The following SLC19A1 variants were observed in gnomAD, a reference collection of about 807,000 sequenced individuals.
The protein encoded by SLC19A1 is reduced folate transporter.
Under a neutral mutation model 35.3 loss-of-function variants are expected in SLC19A1, and 37 were observed. That is an observed-to-expected ratio of 1.05 (90% CI 0.81 to 1.38). The LOEUF (loss-of-function observed/expected upper bound fraction) is 1.38. Ranked by LOEUF, SLC19A1 falls within the 40% of genes most tolerant of loss-of-function variation. The probability of loss-of-function intolerance (pLI) is 0.00; values close to 1 mark genes in which losing one functional copy is unlikely to be tolerated. For synonymous variants in SLC19A1, 460 were observed against 398.5 expected, an observed-to-expected ratio of 1.15 and a Z score of -1.84; for missense variants, 831 against 826.9, an observed-to-expected ratio of 1.00 and a Z score of -0.06.
Position 45,515,416 on chromosome 21 carries a change from C to T in SLC19A1, c.*242G>A. 7.1e-7 allele frequency: 1 copy of T among 1,408,980 alleles called. No individual in the cohort carries two copies. Among genetic ancestry groups the T allele is most frequent in the Non-Finnish European group, 9.1e-7 (1 of 1,096,680 alleles). 87.3% of individuals were successfully genotyped at this position (1,408,980 alleles called of 1,614,324 possible). On this transcript the variant is annotated 3_prime_UTR_variant, in exon 6 of 6. Transcript: ENST00000311124. ...GGTGGACGCAGAAGCCCACCACCCA[C>T]CTCTTCCAGCAACAAAGCCCGCGGG...
At chr21:45,525,521 C>T (rs2077578003) in intron 5 of SLC19A1, among the ~76,000 whole-genome samples, 1 of 152,268 alleles carries the variant, frequency 6.6e-6, no homozygotes, top group African/African-American at 2.4e-5. Flanking sequence ...CAAGTTCCGG[C>T]AGCCACAGGC....
chr21:45,523,788 C>G (rs184042062), intron 5 of SLC19A1, among the ~76,000 whole-genome samples: 331 of 152,326 alleles, frequency 2.2e-3, no homozygotes, highest in African/African-American at 7.7e-3. Flanking sequence ...CTGGGACGGG[C>G]ACTCCCTGCC....
intron 1 of SLC19A1, among the ~76,000 whole-genome samples, chr21:45,561,603 A>G (rs966226428): frequency 3.3e-5 from 5 of 152,056 alleles, no homozygotes; most frequent in South Asian, 2.1e-4. Flanking sequence ...TCTACTAAAA[A>G]TACAAAAATT....
At chr21:45,538,079 C>T in intron 1 of SLC19A1, 71 bp from the exon 2 acceptor site, 1 of 873,066 alleles carries the variant, frequency 1.1e-6, no homozygotes, top group Non-Finnish European at 1.6e-6. Flanking sequence ...CAAAACGAGG[C>T]CCAGTGCCGG....
In SLC19A1 at chr21:45,504,545, C is replaced by T. The variant is rs528980728; in HGVS notation, c.498-5933G>A. On this transcript the variant is annotated intron_variant, in intron 3 of 4. Coordinates refer to the SLC19A1 transcript ENST00000417954. ...AGGCCCCCCAGGCCCACGTGGCTAC[C>T]CTGGGATTCCAGTAAGTCCCAGCCT... 4 of 1,577,550 alleles carry T rather than the reference C, an allele frequency of 2.5e-6. No homozygotes were observed. In the African/African-American group the frequency reaches 5.4e-5, roughly 21 times the overall value.
chr21:45,557,072 A>T (rs2078570481), intron 1 of SLC19A1, among the ~76,000 whole-genome samples: 1 of 152,066 alleles, frequency 6.6e-6, no homozygotes, highest in African/African-American at 2.4e-5. Flanking sequence ...GTGCCCTGGT[A>T]CCAGGACTTG....
intron 1 of SLC19A1, among the ~76,000 whole-genome samples, chr21:45,560,289 G>A (rs961152691): frequency 2.0e-5 from 3 of 152,228 alleles, no homozygotes; most frequent in African/African-American, 4.8e-5. Context: ...AGGCCAGCAG[G>A]AGCGGGACAC....
In SLC19A1 at chr21:45,521,281, T is replaced by C. The variant is rs530412746; in HGVS notation, c.1293+4536A>G. Among the ~76,000 whole-genome samples the C allele has an allele frequency of 2.0e-4, 31 of 152,316 alleles. No individual in the cohort carries two copies. The South Asian group carries it at 6.0e-3, about 30-fold the overall frequency. ...CTAATGCAGATAACAAATTTCAAAATATGGTTTGATTTACTTAAGAAAAAG... is the reference window on the plus strand; with the variant it reads ...CTAATGCAGATAACAAATTTCAAAACATGGTTTGATTTACTTAAGAAAAAG... On this transcript the variant is annotated intron_variant, in intron 5 of 5. Transcript: ENST00000311124.
intron 4 of SLC19A1, among the ~76,000 whole-genome samples, chr21:45,529,422 G>A (rs547542274): frequency 6.6e-6 from 1 of 152,334 alleles, no homozygotes; most frequent in South Asian, 2.1e-4. Context: ...CACCCTGGAG[G>A]GGAAGCCCAG....
downstream of SLC19A1, chr21:45,509,726 GCTCAGGGCCA>G (rs1013332937): frequency 4.0e-5 from 29 of 726,722 alleles, no homozygotes; most frequent in African/African-American, 2.4e-4. Flanking sequence ...GGGTCTGGCG[GCTCAGGGCCA>G]CTCAGGGCGG....
chr21:45,525,998 A>C, intron 4 of SLC19A1, 40 bp from the exon 5 acceptor site: 1 of 1,599,688 alleles, frequency 6.3e-7, no homozygotes, highest in Non-Finnish European at 8.5e-7. Flanking sequence ...CTGCTGGGAG[A>C]ATAAGCAGCA....
chr21:45,529,469 G>A (rs1054526753), intron 4 of SLC19A1, among the ~76,000 whole-genome samples: 4 of 152,218 alleles, frequency 2.6e-5, no homozygotes, highest in Admixed American at 1.3e-4. Flanking sequence ...TCCTCCCAGC[G>A]GGCAGGAAAG....
downstream of SLC19A1, among the ~76,000 whole-genome samples, chr21:45,510,944 C>CA (rs1295840304): frequency 7.0e-4 from 20 of 28,574 alleles, no homozygotes; most frequent in African/African-American, 6.0e-3. Context: ...AAAAAACACA[C>CA]ACCCACAACA....
rs184750932 is a variant in SLC19A1, at chr21:45,516,612, G to C, written c.1294-472C>G. Among the ~76,000 whole-genome samples, 721 of 152,338 alleles carry C rather than the reference G, an allele frequency of 4.7e-3. 7 individuals are homozygous for C. Among genetic ancestry groups the C allele is most frequent in the African/African-American group, 0.017 (688 of 41,570 alleles). ...CCCCAGCAGCCTGCACATGGAGCCC[G>C]TCTCCATCTCGGCAGCGGAAGCTGT... On this transcript the variant is annotated intron_variant, in intron 5 of 5. Transcript: ENST00000311124.
chr21:45,520,385 A>C (rs938991952), intron 5 of SLC19A1, among the ~76,000 whole-genome samples: 3 of 152,214 alleles, frequency 2.0e-5, no homozygotes, highest in African/African-American at 7.2e-5. Flanking sequence ...GAAAGGAAGA[A>C]ATATTTGCAG....
intron 1 of SLC19A1, among the ~76,000 whole-genome samples, chr21:45,557,264 G>T (rs1026893588): frequency 1.3e-5 from 2 of 152,224 alleles, no homozygotes; most frequent in East Asian, 3.9e-4. Flanking sequence ...TCAGACAGCG[G>T]CCCGGGAGAT....
rs557054483 is a variant in SLC19A1, at chr21:45,505,421, C to T, written c.498-6809G>A. 4.1e-5 allele frequency: 63 copies of T among 1,555,054 alleles called. No individual in the cohort carries two copies. In the East Asian group the frequency reaches 1.3e-3, roughly 33 times the overall value. On this transcript the variant is annotated intron_variant, in intron 3 of 4. Coordinates refer to the SLC19A1 transcript ENST00000417954. The stretch of plus-strand genomic sequence containing the variant: ...CCTGGGCCCCCTGGAACCATGGGCG[C>T]CTCCTCAGGGGTAAGTGTCTGGGCA...
chr21:45,542,484 G>A (rs927795664), upstream of SLC19A1: 1 of 150,810 alleles, frequency 6.6e-6, no homozygotes, highest in Non-Finnish European at 1.5e-5. Flanking sequence ...GGGGTGGGCG[G>A]GTCCGTCCCG....
intron 1 of SLC19A1, among the ~76,000 whole-genome samples, chr21:45,553,680 CATCCCAGTCCCCCACGCCCCA>C (rs2078493705): frequency 9.7e-5 from 2 of 20,562 alleles, no homozygotes. Flanking sequence ...CCCCACACCC[CATCCCAGTCCCCCACGCCCCA>C]TCCCAGTCCC....
Sources: allele counts gnomAD v4.1 joint callset (sites outside exome capture counted in the v4.1 genomes callset), GRCh38; gene constraint gnomAD v4.1.1; transcripts MANE v1.5; gene names NCBI Gene and HGNC (gene_info 2026-07-23, HGNC 2026-07-21).